The following CNOT2 variants were observed in gnomAD, a reference collection of about 807,000 sequenced individuals.
CNOT2 encodes CC chemokine receptor 4-negative regulator of transcription 2.
CNOT2 carries 7 observed loss-of-function variants against 72.1 expected under a neutral mutation model. The observed-to-expected ratio is 0.10, with a 90% CI of 0.06 to 0.18. The LOEUF (loss-of-function observed/expected upper bound fraction) is 0.18, where lower values mean the gene tolerates loss of function less well. CNOT2 is among the 10% of genes least tolerant of loss of function. The pLI, the probability that CNOT2 is intolerant of heterozygous loss-of-function variation, is 1.00. For synonymous variants in CNOT2, 196 were observed against 225.6 expected (o/e 0.87, Z 1.17); for missense variants, 345 against 660.3 (o/e 0.52, Z 5.23).
intron 4 of CNOT2, among the ~76,000 whole-genome samples, chr12:70,320,263 T>G (rs1234881436): frequency 6.6e-6 from 1 of 151,686 alleles, no homozygotes; most frequent in African/African-American, 2.4e-5. Context: ...AATCAATAAT[T>G]TGATTTGGAA....
intron 6 of CNOT2, 120 bp downstream of exon 6, chr12:70,330,589 C>A: frequency 1.9e-6 from 1 of 537,564 alleles, no homozygotes; most frequent in Non-Finnish European, 3.2e-6. Flanking sequence ...TTTCATCATG[C>A]ATTTATGTCC....
At chr12:70,325,359 C>T (rs1365808035) in intron 4 of CNOT2, among the ~76,000 whole-genome samples, 1 of 151,616 alleles carries the variant, frequency 6.6e-6, no homozygotes, top group Non-Finnish European at 1.5e-5. Flanking sequence ...CCATGATTGC[C>T]CAAAATCACA....
At position 70,346,966 on chromosome 12, in the gene CNOT2, T is replaced by G. The variant is rs186007166; in HGVS notation, c.1536+642T>G. Among the ~76,000 whole-genome samples the G allele has an allele frequency of 1.5e-3, 231 of 152,210 alleles. 2 individuals carry two copies. The highest frequency in any genetic ancestry group is 1.4e-3 in the African/African-American group (57 of 41,544). The stretch of plus-strand genomic sequence containing the variant: ...CCTGCATTTAGTACGTTGTGTTTAT[T>G]TAGTCTGCCTAGTAGAGAATATATT... On this transcript the variant is annotated intron_variant, in intron 15 of 15. Coordinates refer to ENST00000229195, the MANE Select transcript of CNOT2 (RefSeq NM_014515.7).
intron 3 of CNOT2, among the ~76,000 whole-genome samples, chr12:70,311,611 T>A (rs1320058855): frequency 6.6e-6 from 1 of 152,010 alleles, no homozygotes; most frequent in Non-Finnish European, 1.5e-5. Context: ...ATAAAAGGAT[T>A]TAGAATGCAA....
At chr12:70,259,681 C>G (rs541301536) in intron 1 of CNOT2, among the ~76,000 whole-genome samples, 2 of 152,190 alleles carry the variant, frequency 1.3e-5, no homozygotes, top group South Asian at 4.2e-4. Flanking sequence ...ATCAGTTGTT[C>G]ACTTCTGTTG....
At chr12:70,337,716 C>G (rs1252999526) in intron 9 of CNOT2, 5 of 603,924 alleles carry the variant, frequency 8.3e-6, no homozygotes, top group Non-Finnish European at 1.5e-5. Flanking sequence ...TTGCAAATTT[C>G]TGTTGAACTT....
intron 1 of CNOT2, among the ~76,000 whole-genome samples, chr12:70,267,039 T>C (rs1959083725): frequency 6.6e-6 from 1 of 152,200 alleles, no homozygotes; most frequent in South Asian, 2.1e-4. Context: ...TAATATTGCA[T>C]TTTACTTATT....
At chr12:70,254,980 CAAAAAAAA>C (rs34311334) in intron 1 of CNOT2, among the ~76,000 whole-genome samples, 2 of 110,844 alleles carry the variant, frequency 1.8e-5, no homozygotes, top group African/African-American at 6.4e-5. Context: ...GACTGCATCT[CAAAAAAAA>C]AAAAAAAAAA....
chr12:70,302,198 T>C, intron 2 of CNOT2, among the ~76,000 whole-genome samples: 1 of 152,170 alleles, frequency 6.6e-6, no homozygotes, highest in Non-Finnish European at 1.5e-5. Flanking sequence ...TGAAGGGTTT[T>C]TTGTGTCTCT....
At chr12:70,328,639 T>C (rs1879452189) in intron 4 of CNOT2, among the ~76,000 whole-genome samples, 1 of 151,916 alleles carries the variant, frequency 6.6e-6, no homozygotes, top group Non-Finnish European at 1.5e-5. Context: ...TCAGGAAATA[T>C]ACATTTCTAA....
At chr12:70,314,201 A>G (rs1344455305) in intron 3 of CNOT2, among the ~76,000 whole-genome samples, 1 of 152,076 alleles carries the variant, frequency 6.6e-6, no homozygotes, top group Admixed American at 6.6e-5. Context: ...TAGTTATTTT[A>G]TAACAAACTG....
chr12:70,352,590 G>A (rs1278733290), intron 15 of CNOT2, among the ~76,000 whole-genome samples: 1 of 152,132 alleles, frequency 6.6e-6, no homozygotes, highest in African/African-American at 2.4e-5. Context: ...ACCCATGGTA[G>A]CTAATGTCAC....
chr12:70,293,523 C>A (rs1323632546), intron 2 of CNOT2, among the ~76,000 whole-genome samples: 1 of 152,048 alleles, frequency 6.6e-6, no homozygotes, highest in East Asian at 1.9e-4. Context: ...TAAAATTTTT[C>A]TCTTTATTAT....
intron 1 of CNOT2, among the ~76,000 whole-genome samples, chr12:70,255,079 A>T (rs1487436870): frequency 6.6e-6 from 1 of 151,912 alleles, no homozygotes; most frequent in East Asian, 1.9e-4. Context: ...GTAAAAAAAG[A>T]TTCTGCTATG....
chr12:70,267,182 T>A (rs1255192685), intron 1 of CNOT2, among the ~76,000 whole-genome samples: 1 of 151,750 alleles, frequency 6.6e-6, no homozygotes, highest in Non-Finnish European at 1.5e-5. Flanking sequence ...TGCCACAAAC[T>A]GTAGCTTAAA....
intron 7 of CNOT2, 70 bp downstream of exon 7, chr12:70,332,916 A>G (rs1320120335): frequency 4.8e-6 from 7 of 1,451,944 alleles, no homozygotes; most frequent in Admixed American, 2.6e-5. Flanking sequence ...GCAATTCAAC[A>G]TACTGGTCTT....
intron 4 of CNOT2, chr12:70,323,367 C>T (rs1878596356): frequency 6.6e-6 from 1 of 151,652 alleles, no homozygotes; most frequent in South Asian, 2.1e-4. Context: ...AAGAAGCAGT[C>T]TCATATAATC....
intron 2 of CNOT2, chr12:70,301,718 G>A (rs570734581): frequency 8.5e-5 from 13 of 152,276 alleles, no homozygotes; most frequent in African/African-American, 2.9e-4. Context: ...TTGGTATCAG[G>A]ATGATGCTGG....
intron 1 of CNOT2, among the ~76,000 whole-genome samples, chr12:70,262,338 A>G (rs1958810906): frequency 2.6e-5 from 4 of 152,088 alleles, no homozygotes; most frequent in Admixed American, 6.5e-5. Flanking sequence ...CAATGGCGCA[A>G]TCTCGGCTCA....
Sources: gnomAD v4.1 joint callset for allele counts (sites outside exome capture counted in the v4.1 genomes callset) on GRCh38, gnomAD v4.1.1 for gene constraint, MANE v1.5 for transcripts, NCBI Gene and HGNC (gene_info 2026-07-23, HGNC 2026-07-21) for gene names.